NOS1AP: variants seen among roughly 807,000 people sequenced by gnomAD.
NOS1AP encodes the protein nitric oxide synthase 1 adaptor protein.
Under a neutral mutation model 56.2 loss-of-function variants are expected in NOS1AP, and 21 were observed. The ratio of observed to expected loss-of-function variants is 0.37; its 90% CI spans 0.26 to 0.54. The LOEUF (loss-of-function observed/expected upper bound fraction) is 0.54. Ranked by LOEUF, NOS1AP falls within the 20% of genes least tolerant of loss-of-function variation. NOS1AP has a pLI of 0.84. For synonymous variants in NOS1AP, 270 were observed against 274.6 expected, an observed-to-expected ratio of 0.98 and a Z score of 0.17; for missense variants, 522 against 657.8, an observed-to-expected ratio of 0.79 and a Z score of 2.26.
rs1692199965 is a variant in NOS1AP, at chr1:162,094,735, T to C, written c.105+24453T>C. Among the ~76,000 whole-genome samples, 4 of 152,252 alleles carry C rather than the reference T, an allele frequency of 2.6e-5. No individual in the cohort carries two copies. The South Asian group carries it at 8.3e-4, about 32-fold the overall frequency. Reference sequence around the variant, plus strand: ...GATTCAGACAAGATCTCTCAGCTAGTTTAGGATTGAGCAGAGAGGATGCAA... The same window carrying C: ...GATTCAGACAAGATCTCTCAGCTAGCTTAGGATTGAGCAGAGAGGATGCAA... On this transcript the variant is annotated intron_variant, in intron 1 of 9. Transcript: ENST00000361897.
intron 2 of NOS1AP, among the ~76,000 whole-genome samples, chr1:162,173,085 T>C (rs907659367): frequency 6.6e-6 from 1 of 152,156 alleles, no homozygotes; most frequent in Non-Finnish European, 1.5e-5. Flanking sequence ...GGTGCTACCA[T>C]GCCCAGCTAA....
At chr1:162,142,828 G>C (rs2102077176) in intron 1 of NOS1AP, among the ~76,000 whole-genome samples, 1 of 152,246 alleles carries the variant, frequency 6.6e-6, no homozygotes, top group African/African-American at 2.4e-5. Flanking sequence ...GGTTATTCTG[G>C]CTTATAGAGA....
At chr1:162,275,968 G>A (rs947086986) in intron 2 of NOS1AP, among the ~76,000 whole-genome samples, 1 of 152,104 alleles carries the variant, frequency 6.6e-6, no homozygotes, top group African/African-American at 2.4e-5. Context: ...CCCACTGAGC[G>A]CCTTTATAAA....
At chr1:162,166,832 T>A (rs541771181) in intron 2 of NOS1AP, among the ~76,000 whole-genome samples, 64 of 152,246 alleles carry the variant, frequency 4.2e-4, no homozygotes, top group Non-Finnish European at 1.2e-4. Flanking sequence ...CCTCTCCACA[T>A]CCCTGTTGCA....
intron 1 of NOS1AP, among the ~76,000 whole-genome samples, chr1:162,152,185 A>T (rs554296989): frequency 6.6e-6 from 1 of 152,266 alleles, no homozygotes; most frequent in African/African-American, 2.4e-5. Context: ...TTTAGGCCCA[A>T]TGGTGGGTCT....
intron 1 of NOS1AP, among the ~76,000 whole-genome samples, chr1:162,084,003 A>G (rs964986733): frequency 6.6e-6 from 1 of 152,200 alleles, no homozygotes; most frequent in Non-Finnish European, 1.5e-5. Flanking sequence ...TTCAGTTATT[A>G]TGCAGTGCAA....
At chr1:162,357,659 G>A (rs539225594) in intron 8 of NOS1AP, among the ~76,000 whole-genome samples, 2 of 152,038 alleles carry the variant, frequency 1.3e-5, no homozygotes, top group African/African-American at 4.8e-5. Context: ...GGCAGTATTT[G>A]ATTGGAATTC....
chr1:162,078,016 G>A (rs73023251), intron 1 of NOS1AP, among the ~76,000 whole-genome samples: 13,023 of 152,064 alleles, frequency 0.086, 1,868 homozygotes, highest in African/African-American at 0.3. Context: ...GTCCTCTGTG[G>A]AATGCCTCAT....
chr1:162,282,055 G>A (rs976169575), intron 2 of NOS1AP, among the ~76,000 whole-genome samples: 2 of 152,158 alleles, frequency 1.3e-5, no homozygotes, highest in African/African-American at 4.8e-5. Context: ...AGCTGAGATT[G>A]CACCATTGCA....
intron 3 of NOS1AP, among the ~76,000 whole-genome samples, chr1:162,292,567 G>T (rs139795396): frequency 1.3e-3 from 193 of 152,316 alleles, no homozygotes; most frequent in African/African-American, 4.4e-3. Context: ...GTGAAGTCAA[G>T]GTTCGAACCT....
chr1:162,263,196 G>A (rs144740539), intron 2 of NOS1AP, among the ~76,000 whole-genome samples: 2 of 152,238 alleles, frequency 1.3e-5, no homozygotes, highest in Non-Finnish European at 2.9e-5. Flanking sequence ...AGTTTATTTT[G>A]TGCTGCTATA....
intron 2 of NOS1AP, among the ~76,000 whole-genome samples, chr1:162,202,517 T>C (rs1398276765): frequency 1.3e-5 from 2 of 152,180 alleles, no homozygotes; most frequent in African/African-American, 4.8e-5. Flanking sequence ...GGTTTCATAA[T>C]ATTCTATGCT....
intron 2 of NOS1AP, among the ~76,000 whole-genome samples, chr1:162,220,430 C>CA (rs1652732653): frequency 6.6e-6 from 1 of 152,066 alleles, no homozygotes; most frequent in South Asian, 2.1e-4. Context: ...CACAGGTGTC[C>CA]AGAGTGCGTA....
chr1:162,364,240 A>G (rs550688153), intron 8 of NOS1AP: 1 of 985,148 alleles, frequency 1.0e-6, no homozygotes, highest in African/African-American at 1.7e-5. Flanking sequence ...TCCTGCCCCC[A>G]CTCACCTGGC....
At chr1:162,245,826 A>T (rs1336403165) in intron 2 of NOS1AP, among the ~76,000 whole-genome samples, 1 of 152,232 alleles carries the variant, frequency 6.6e-6, no homozygotes. Context: ...GGATTTGGCA[A>T]TGGAGTTGGT....
At position 162,175,619 on chromosome 1, in the gene NOS1AP, G is replaced by C. The variant is rs553428540; in HGVS notation, c.177+21143G>C. The stretch of plus-strand genomic sequence containing the variant: ...GTTAGATAGCAGGATCGGAGGTGTG[G>C]GGGTGGGGGCGGTCGGTTAGTTGCT... On this transcript the variant is annotated intron_variant, in intron 2 of 9. Coordinates refer to ENST00000361897, the MANE Select transcript of NOS1AP (RefSeq NM_014697.3). Among the ~76,000 whole-genome samples, 5 of 152,286 alleles carry C rather than the reference G, an allele frequency of 3.3e-5. No homozygotes were observed. In the East Asian group the frequency reaches 7.7e-4, roughly 23 times the overall value.
chr1:162,184,875 T>C (rs1054560777), intron 2 of NOS1AP, among the ~76,000 whole-genome samples: 10 of 152,262 alleles, frequency 6.6e-5, no homozygotes, highest in Non-Finnish European at 8.8e-5. Context: ...TTATTTTCTA[T>C]TGCTGCTGTA....
intron 4 of NOS1AP, among the ~76,000 whole-genome samples, chr1:162,305,003 G>A (rs530832829): frequency 1.6e-4 from 25 of 152,074 alleles, no homozygotes; most frequent in Admixed American, 2.6e-4. Flanking sequence ...TTTATGAAAC[G>A]CTGGCTTACT....
chr1:162,330,024 C>T (rs542779683), intron 4 of NOS1AP, among the ~76,000 whole-genome samples: 1 of 152,364 alleles, frequency 6.6e-6, no homozygotes, highest in South Asian at 2.1e-4. Context: ...TTAACCTTGG[C>T]TTACTGCCGT....
Sources: allele counts gnomAD v4.1 joint callset (sites outside exome capture counted in the v4.1 genomes callset), GRCh38; gene constraint gnomAD v4.1.1; transcripts MANE v1.5; gene names NCBI Gene and HGNC (gene_info 2026-07-23, HGNC 2026-07-21).